FAM151B: variants seen among roughly 807,000 people sequenced by gnomAD.
The protein encoded by FAM151B is protein FAM151B.
A neutral mutation model predicts 31.2 loss-of-function variants in FAM151B; 24 were observed. The observed-to-expected ratio is 0.77, with a 90% CI of 0.56 to 1.08. The LOEUF is 1.08. FAM151B is among the 50% of genes least tolerant of loss of function. The probability of loss-of-function intolerance (pLI) is 0.00; values close to 1 mark genes in which losing one functional copy is unlikely to be tolerated. For missense variants in FAM151B, 293 were observed against 328.6 expected (o/e 0.89, Z 0.84); for synonymous variants, 105 against 111.4 (o/e 0.94, Z 0.36).
Position 80,541,926 on chromosome 5 carries a change from T to A in FAM151B, c.*94T>A, listed in dbSNP as rs1745919532. The A allele has an allele frequency of 1.5e-6, 2 of 1,345,032 alleles. No homozygotes were observed. The highest frequency in any genetic ancestry group is 5.3e-5 in the Admixed American group (2 of 37,942). 83.3% of individuals were successfully genotyped at this position (1,345,032 alleles called of 1,614,324 possible). A position where few individuals can be genotyped will look rare whatever the true frequency, so the allele number is the denominator to read the frequency against. On this transcript the variant is annotated 3_prime_UTR_variant, in exon 6 of 6. Coordinates refer to ENST00000282226, the MANE Select transcript of FAM151B (RefSeq NM_205548.3). ...TACCATATAAATTATGGTTATTGAT[T>A]GACGTTCCAAGTCATCTAATCAAGA...
intron 1 of FAM151B, among the ~76,000 whole-genome samples, chr5:80,493,668 C>T (rs1188870195): frequency 6.6e-6 from 1 of 152,144 alleles, no homozygotes; most frequent in Non-Finnish European, 1.5e-5. Context: ...TTGAAATACA[C>T]CCTGGCCTCC....
chr5:80,494,456 T>TTTCTTTCTTTCTTTTCTTTTC, intron 1 of FAM151B, among the ~76,000 whole-genome samples: 1 of 82,750 alleles, frequency 1.2e-5, no homozygotes, highest in African/African-American at 4.4e-5. Context: ...TCTTTCTTTC[T>TTTCTTTCTTTCTTTTCTTTTC]TTTCTTTCTT....
At chr5:80,493,051 G>A (rs1430839432) in intron 1 of FAM151B, among the ~76,000 whole-genome samples, 2 of 152,178 alleles carry the variant, frequency 1.3e-5, no homozygotes, top group East Asian at 1.9e-4. Flanking sequence ...AAACAGCTAA[G>A]TTGTCAATAC....
At chr5:80,529,132 T>G (rs1745109005) in intron 5 of FAM151B, among the ~76,000 whole-genome samples, 1 of 152,074 alleles carries the variant, frequency 6.6e-6, no homozygotes, top group African/African-American at 2.4e-5. Context: ...TGCTCCTGAG[T>G]GACTACTGGG....
intron 5 of FAM151B, among the ~76,000 whole-genome samples, chr5:80,536,157 TTTA>T (rs1561381931): frequency 2.0e-5 from 3 of 151,864 alleles, no homozygotes; most frequent in Non-Finnish European, 4.4e-5. Context: ...TTTAGTTTAG[TTTA>T]GTTTTGTTTT....
chr5:80,511,512 G>A (rs1004550450), intron 2 of FAM151B, among the ~76,000 whole-genome samples: 10 of 151,358 alleles, frequency 6.6e-5, no homozygotes, highest in African/African-American at 2.2e-4. Context: ...ACCTCTTATG[G>A]AGTACACTTG....
intron 3 of FAM151B, among the ~76,000 whole-genome samples, chr5:80,517,181 A>G (rs74463631): frequency 0.011 from 1,733 of 152,270 alleles, 17 homozygotes; most frequent in Non-Finnish European, 0.017. Flanking sequence ...AACTTTTATT[A>G]TAGTATATTG....
chr5:80,511,435 C>CAAAAAAAAAAAA (rs57587683), intron 2 of FAM151B, among the ~76,000 whole-genome samples: 1 of 54,086 alleles, frequency 1.8e-5, no homozygotes. Flanking sequence ...GACTCTGTCT[C>CAAAAAAAAAAAA]AAAAAAAAAA....
intron 1 of FAM151B, among the ~76,000 whole-genome samples, chr5:80,491,980 A>T (rs1229537393): frequency 6.6e-6 from 1 of 152,152 alleles, no homozygotes; most frequent in Non-Finnish European, 1.5e-5. Flanking sequence ...GTTCCAACTA[A>T]TCAACTCTGC....
At chr5:80,529,790 G>C (rs145500512) in intron 5 of FAM151B, among the ~76,000 whole-genome samples, 210 of 151,810 alleles carry the variant, frequency 1.4e-3, no homozygotes, top group Middle Eastern at 6.8e-3. Flanking sequence ...CGGATTCACA[G>C]CTGAATCTAC....
intron 1 of FAM151B, chr5:80,495,088 G>C (rs1025864153): frequency 2.6e-5 from 4 of 152,152 alleles, no homozygotes; most frequent in African/African-American, 9.7e-5. Context: ...CAGCACGTCT[G>C]TTTACAGCAT....
Position 80,541,721 on chromosome 5 carries a change from A to G in FAM151B, c.720A>G (p.Glu240=). 1 of 1,613,752 alleles carries G rather than the reference A, an allele frequency of 6.2e-7. No individual in the cohort carries two copies. The highest frequency in any genetic ancestry group is 8.5e-7 in the Non-Finnish European group (1 of 1,179,796). ...WTGKNDNYSV[E]DLLYIRDHFD... ...GAAAAAATGATAACTATTCCGTTGAAGATTTACTTTACATTAGAGACCATT... is the reference window on the plus strand; with the variant it reads ...GAAAAAATGATAACTATTCCGTTGAGGATTTACTTTACATTAGAGACCATT... Residue 240 remains glutamate, a synonymous_variant, in exon 6 of 6, where the codon GAA becomes GAG. Transcript: ENST00000282226.
intron 1 of FAM151B, chr5:80,498,430 C>G (rs1324962662): frequency 2.4e-6 from 1 of 413,156 alleles, no homozygotes; most frequent in Admixed American, 3.5e-5. Context: ...GATATCTTAT[C>G]AGCAGTTTCC....
chr5:80,515,452 T>A lies in FAM151B; in HGVS notation c.317+1683T>A, dbSNP rs188934394. Among the ~76,000 whole-genome samples the A allele has an allele frequency of 5.3e-5, 8 of 152,262 alleles. No individual in the cohort carries two copies. In the East Asian group the frequency reaches 1.3e-3, roughly 26 times the overall value. On this transcript the variant is annotated intron_variant, in intron 3 of 5. Coordinates refer to ENST00000282226, the MANE Select transcript of FAM151B (RefSeq NM_205548.3). Reference sequence around the variant, plus strand: ...TTCTCTATATCATGAAATAAAGCATTTGATCTTTAGTGCTTGATGGCTTAA... The same window carrying A: ...TTCTCTATATCATGAAATAAAGCATATGATCTTTAGTGCTTGATGGCTTAA...
intron 1 of FAM151B, among the ~76,000 whole-genome samples, chr5:80,495,438 A>G (rs1343252784): frequency 2.6e-5 from 4 of 152,334 alleles, no homozygotes; most frequent in Middle Eastern, 3.4e-3. Flanking sequence ...AAAAATATCA[A>G]CATTAACAGG....
rs142320373 is a variant in FAM151B, at chr5:80,541,307, G to C, written c.672-366G>C. 3.4e-3 allele frequency among the ~76,000 whole-genome samples: 514 copies of C among 152,216 alleles called. 3 individuals are homozygous for C. Among genetic ancestry groups the C allele is most frequent in the African/African-American group, 0.012 (499 of 41,522 alleles). ...CCCTTCCCATTGTGCTTTTCACCCT[G>C]ACCAGGCTCCTGAACAAACCCAGGT... is the stretch of plus-strand genomic sequence containing the variant. On this transcript the variant is annotated intron_variant, in intron 5 of 5. Transcript: ENST00000282226.
At chr5:80,503,592 GA>G (rs1298602500) in intron 2 of FAM151B, among the ~76,000 whole-genome samples, 1 of 151,530 alleles carries the variant, frequency 6.6e-6, no homozygotes, top group Non-Finnish European at 1.5e-5. Flanking sequence ...AGAAAGCAAA[GA>G]AAAGAAAATC....
In FAM151B at chr5:80,542,392, G is replaced by GTCTA. The variant is rs1437236416; in HGVS notation, c.*561_*562insCTAT. The GTCTA allele has an allele frequency of 6.6e-6, 1 of 152,242 alleles. No homozygotes were observed. Among genetic ancestry groups the GTCTA allele is most frequent in the East Asian group, 1.9e-4 (1 of 5,204 alleles). The allele number at this position is 152,242 out of a possible 1,614,324, so 9.4% of individuals were successfully genotyped here. ...TTCCATGTGATTGAGAAGCATGCTA[G>GTCTA]TGGCTAAGTGTTTTTTTTATATTTC... On this transcript the variant is annotated 3_prime_UTR_variant, in exon 6 of 6. Transcript: ENST00000282226.
chr5:80,532,163 G>A (rs1436452722), intron 5 of FAM151B, among the ~76,000 whole-genome samples: 2 of 137,434 alleles, frequency 1.5e-5, no homozygotes, highest in Non-Finnish European at 3.0e-5. Flanking sequence ...GGTGGGAATC[G>A]AACAATGAGA....
Sources: gnomAD v4.1 joint callset for allele counts (sites outside exome capture counted in the v4.1 genomes callset) on GRCh38, gnomAD v4.1.1 for gene constraint, MANE v1.5 for transcripts, NCBI Gene and HGNC (gene_info 2026-07-23, HGNC 2026-07-21) for gene names.